Variants in VDAC1 observed in about 807,000 individuals in gnomAD.
VDAC1 encodes voltage dependent anion channel 1, also known as non-selective voltage-gated ion channel VDAC1.
VDAC1 carries 10 observed loss-of-function variants against 34.7 expected under a neutral mutation model. The observed-to-expected ratio is 0.29, with a 90% CI of 0.18 to 0.49. The LOEUF (loss-of-function observed/expected upper bound fraction) is 0.49. Ranked by LOEUF, VDAC1 falls within the 20% of genes least tolerant of loss-of-function variation. The pLI is 0.99. For missense variants in VDAC1, 230 were observed against 347.9 expected (o/e 0.66, Z 2.69); for synonymous variants, 130 against 136.0 (o/e 0.96, Z 0.30).
At chr5:133,982,617 C>T (rs890021746) in intron 5 of VDAC1, among the ~76,000 whole-genome samples, 10 of 152,088 alleles carry the variant, frequency 6.6e-5, no homozygotes, top group African/African-American at 1.7e-4. Flanking sequence ...AGGCCAGGTG[C>T]GGTGGCTTAC....
the VDAC1 span, among the ~76,000 whole-genome samples, chr5:134,055,588 G>GTTT: frequency 0.017 from 986 of 59,560 alleles, 183 homozygotes; most frequent in African/African-American, 0.055. Context: ...CCCCGCTAAT[G>GTTT]TTTTTTTTTT....
At chr5:134,020,378 A>G in the VDAC1 span, among the ~76,000 whole-genome samples, 3 of 151,862 alleles carry the variant, frequency 2.0e-5, no homozygotes, top group African/African-American at 4.8e-5. Flanking sequence ...CCCTGAGGAA[A>G]TATTTGCTTC....
At chr5:134,005,827 A>G (rs2288834), upstream of VDAC1, among the ~76,000 whole-genome samples, 88,556 of 152,112 alleles carry the variant, frequency 0.58, 25,967 homozygotes, top group Admixed American at 0.62. Flanking sequence ...CGAAGATTCT[A>G]CACATCCTTC....
chr5:134,096,349 A>C, the VDAC1 span, among the ~76,000 whole-genome samples: 1 of 152,076 alleles, frequency 6.6e-6, no homozygotes, highest in Non-Finnish European at 1.5e-5. Flanking sequence ...GTGACAAGGC[A>C]TCTAAAAGAT....
chr5:134,065,016 G>A, the VDAC1 span, among the ~76,000 whole-genome samples: 2 of 151,926 alleles, frequency 1.3e-5, no homozygotes, highest in Admixed American at 6.6e-5. Flanking sequence ...CACCATGCCC[G>A]GCCTTAGTTT....
chr5:133,994,989 C>A (rs1753243011), intron 1 of VDAC1, among the ~76,000 whole-genome samples: 1 of 152,214 alleles, frequency 6.6e-6, no homozygotes, highest in African/African-American at 2.4e-5. Context: ...GCCTTCACAT[C>A]TGGACTGGTC....
At chr5:134,097,876 T>C in the VDAC1 span, among the ~76,000 whole-genome samples, 1 of 152,044 alleles carries the variant, frequency 6.6e-6, no homozygotes, top group Non-Finnish European at 1.5e-5. Flanking sequence ...TTTCTTTCTT[T>C]CTTTTTTTTT....
chr5:134,051,192 T>C, the VDAC1 span, among the ~76,000 whole-genome samples: 2 of 152,194 alleles, frequency 1.3e-5, no homozygotes, highest in Non-Finnish European at 2.9e-5. Context: ...GAAGGAGCAC[T>C]GCCCAGGAGC....
At chr5:134,003,538 G>A (rs1330354571) in intron 1 of VDAC1, among the ~76,000 whole-genome samples, 2 of 152,120 alleles carry the variant, frequency 1.3e-5, no homozygotes, top group African/African-American at 4.8e-5. Context: ...CTCAATACCT[G>A]GTATACAAAT....
At chr5:134,056,434 A>ATT in the VDAC1 span, among the ~76,000 whole-genome samples, 17 of 118,656 alleles carry the variant, frequency 1.4e-4, no homozygotes, top group Non-Finnish European at 2.6e-4. Context: ...GCTGCACTGA[A>ATT]TTTTTTTTTT....
the VDAC1 span, among the ~76,000 whole-genome samples, chr5:134,096,080 T>A: frequency 6.6e-6 from 1 of 152,196 alleles, no homozygotes; most frequent in Non-Finnish European, 1.5e-5. Context: ...TCAGACTCTA[T>A]CCCGCGTGCC....
the VDAC1 span, among the ~76,000 whole-genome samples, chr5:134,031,866 G>A: frequency 8.6e-5 from 13 of 150,438 alleles, no homozygotes; most frequent in South Asian, 1.5e-3. Flanking sequence ...CAGGAGAATC[G>A]CTTGAACCTG....
intron 5 of VDAC1, among the ~76,000 whole-genome samples, chr5:133,986,289 C>T (rs570547594): frequency 6.6e-6 from 1 of 152,130 alleles, no homozygotes; most frequent in African/African-American, 2.4e-5. Context: ...CCAGGCTGTA[C>T]CCTCAGTCAC....
the VDAC1 span, among the ~76,000 whole-genome samples, chr5:134,060,671 T>C: frequency 2.0e-5 from 3 of 151,558 alleles, no homozygotes; most frequent in Non-Finnish European, 4.4e-5. Context: ...GAGGATACAA[T>C]AGTAAAATGG....
At chr5:134,113,435 C>CGGAGG in the VDAC1 span, among the ~76,000 whole-genome samples, 1 of 152,210 alleles carries the variant, frequency 6.6e-6, no homozygotes, top group Non-Finnish European at 1.5e-5. Context: ...GGCCTGGACC[C>CGGAGG]GGAGGGAGGC....
chr5:134,030,893 G>A, the VDAC1 span, among the ~76,000 whole-genome samples: 385 of 152,182 alleles, frequency 2.5e-3, 13 homozygotes, highest in East Asian at 0.062. Context: ...GATTACAGCC[G>A]TGAGCCACTG....
chr5:134,087,185 C>T, the VDAC1 span, among the ~76,000 whole-genome samples: 3 of 152,066 alleles, frequency 2.0e-5, no homozygotes, highest in African/African-American at 4.8e-5. Context: ...TTGTGGGTGC[C>T]GTTTCATGCT....
Position 133,992,929 on chromosome 5 carries a change from C to G in VDAC1, c.67+17G>C, listed in dbSNP as rs778071888. 6.2e-7 allele frequency: 1 copy of G among 1,608,412 alleles called. No homozygotes were observed. Among genetic ancestry groups the G allele is most frequent in the Non-Finnish European group, 8.5e-7 (1 of 1,176,750 alleles). On this transcript the variant is annotated intron_variant, in intron 2 of 8. Transcript: ENST00000265333. ...CAGTCTGTGAGCTGAAAGGCACCCC[C>G]TCTCTGCAACACTCACCATAGCCCT... is the stretch of plus-strand genomic sequence containing the variant.
intron 5 of VDAC1, among the ~76,000 whole-genome samples, chr5:133,987,071 A>G (rs1752934145): frequency 6.6e-6 from 1 of 152,254 alleles, no homozygotes; most frequent in South Asian, 2.1e-4. Context: ...GAAAATTACC[A>G]TTTGAGGCCA....
Sources: allele counts gnomAD v4.1 joint callset (sites outside exome capture counted in the v4.1 genomes callset), GRCh38; gene constraint gnomAD v4.1.1; transcripts MANE v1.5; gene names NCBI Gene and HGNC (gene_info 2026-07-23, HGNC 2026-07-21).